P3H2: variants seen among roughly 807,000 people sequenced by gnomAD.
P3H2 encodes prolyl 3-hydroxylase 2.
A neutral mutation model predicts 87.0 loss-of-function variants in P3H2; 80 were observed. The observed-to-expected ratio is 0.92, with a 90% CI of 0.77 to 1.11. The LOEUF (loss-of-function observed/expected upper bound fraction) is 1.11, where lower values mean the gene tolerates loss of function less well. Ranked by LOEUF, P3H2 falls within the 50% of genes least tolerant of loss-of-function variation. P3H2 has a pLI of 0.00. For missense variants in P3H2, 1,001 were observed against 923.9 expected, an observed-to-expected ratio of 1.08 and a Z score of -1.08; for synonymous variants, 367 against 359.3, an observed-to-expected ratio of 1.02 and a Z score of -0.24.
At chr3:190,108,651 ATTTG>A (rs1385369818) in intron 1 of P3H2, among the ~76,000 whole-genome samples, 1 of 151,998 alleles carries the variant, frequency 6.6e-6, no homozygotes, top group Non-Finnish European at 1.5e-5. Flanking sequence ...CTATATACAC[ATTTG>A]TTTTTTTCAA....
At chr3:190,019,458 C>G in intron 1 of P3H2, among the ~76,000 whole-genome samples, 1 of 152,128 alleles carries the variant, frequency 6.6e-6, no homozygotes, top group Non-Finnish European at 1.5e-5. Context: ...TTTATTCTTA[C>G]ATGATGAGAC....
At chr3:190,078,392 T>C (rs6795785) in intron 1 of P3H2, among the ~76,000 whole-genome samples, 11,618 of 152,224 alleles carry the variant, frequency 0.076, 1,227 homozygotes, top group African/African-American at 0.22. Flanking sequence ...TAATTAAAAC[T>C]TACAGGTTAC....
chr3:190,040,154 AC>A (rs1264775387), intron 1 of P3H2, among the ~76,000 whole-genome samples: 1 of 152,206 alleles, frequency 6.6e-6, no homozygotes, highest in Non-Finnish European at 1.5e-5. Flanking sequence ...AACCCGTCTT[AC>A]ACTTTTATCA....
chr3:189,973,108 A>C (rs1278643253), intron 10 of P3H2, 84 bp from the exon 11 acceptor site: 4 of 1,261,386 alleles, frequency 3.2e-6, no homozygotes, highest in Middle Eastern at 2.2e-4. Flanking sequence ...CATTGAGCCA[A>C]TATAGGATTG....
chr3:190,024,867 C>A (rs1273377217), intron 1 of P3H2, among the ~76,000 whole-genome samples: 4 of 152,070 alleles, frequency 2.6e-5, no homozygotes, highest in Non-Finnish European at 4.4e-5. Flanking sequence ...TTCAATTTAC[C>A]TACACATGAT....
chr3:190,006,987 T>C (rs901699357), intron 1 of P3H2, among the ~76,000 whole-genome samples: 3 of 152,216 alleles, frequency 2.0e-5, no homozygotes, highest in African/African-American at 7.2e-5. Context: ...TATATGTGCA[T>C]GTTTGTGAAT....
At chr3:190,068,564 C>G (rs1165551199) in intron 1 of P3H2, among the ~76,000 whole-genome samples, 1 of 152,116 alleles carries the variant, frequency 6.6e-6, no homozygotes, top group Non-Finnish European at 1.5e-5. Flanking sequence ...CAAAACTGAA[C>G]AGTTACTAAG....
chr3:190,008,173 C>T (rs1428033835), intron 1 of P3H2, among the ~76,000 whole-genome samples: 3 of 151,800 alleles, frequency 2.0e-5, no homozygotes, highest in Admixed American at 1.3e-4. Context: ...TGGGTTCTGA[C>T]AGAAGAGCTG....
intron 1 of P3H2, among the ~76,000 whole-genome samples, chr3:190,046,109 C>T (rs1029373847): frequency 1.5e-5 from 2 of 136,728 alleles, no homozygotes; most frequent in South Asian, 2.4e-4. Context: ...GGCGACAGAG[C>T]AAGACTCCAT....
chr3:189,995,570 T>TA (rs397948658), intron 1 of P3H2, 128 bp from the exon 2 acceptor site: 10 of 996,012 alleles, frequency 1.0e-5, no homozygotes, highest in Middle Eastern at 2.9e-4. Context: ...TTTTTTTTTT[T>TA]ATCAGACAGG....
At chr3:189,960,147 T>C (rs911653537) in intron 14 of P3H2, among the ~76,000 whole-genome samples, 1 of 152,170 alleles carries the variant, frequency 6.6e-6, no homozygotes, top group African/African-American at 2.4e-5. Flanking sequence ...CTCCAGACAT[T>C]TATCCTAGTG....
intron 1 of P3H2, among the ~76,000 whole-genome samples, chr3:190,013,467 G>C (rs1308561621): frequency 1.3e-5 from 2 of 152,292 alleles, no homozygotes; most frequent in Admixed American, 1.3e-4. Context: ...AAGCTGAAAG[G>C]CATTTACTAA....
chr3:189,998,301 C>T lies in P3H2; in HGVS notation c.481-2859G>A, dbSNP rs190367293. 3.5e-3 allele frequency among the ~76,000 whole-genome samples: 526 copies of T among 152,264 alleles called. 1 individual carries two copies. Among genetic ancestry groups the T allele is most frequent in the African/African-American group, 0.012 (491 of 41,556 alleles). ...CATACTCTGATTCTACAGCACTAGACGTTAAAGTTAATGGAACACAAATAA... is the reference window on the plus strand; with the variant it reads ...CATACTCTGATTCTACAGCACTAGATGTTAAAGTTAATGGAACACAAATAA... On this transcript the variant is annotated intron_variant, in intron 1 of 14. Coordinates refer to ENST00000319332, the MANE Select transcript of P3H2 (RefSeq NM_018192.4).
chr3:190,041,082 T>A lies in P3H2; in HGVS notation c.481-45640A>T, dbSNP rs1666399. Among the ~76,000 whole-genome samples the A allele has an allele frequency of 2.8e-3, 91 of 32,202 alleles. 2 individuals are homozygous for A. Among genetic ancestry groups the A allele is most frequent in the East Asian group, 8.2e-3 (5 of 612 alleles). The allele number at this position is 32,202 out of a possible 152,430, so 21.1% of individuals were successfully genotyped here. On this transcript the variant is annotated intron_variant, in intron 1 of 14. Transcript: ENST00000319332. ...CACACACACACACACACACACACAC[T>A]CTCTCTCTCTATATATATATATATA...
intron 1 of P3H2, among the ~76,000 whole-genome samples, chr3:190,077,710 T>C (rs189328223): frequency 6.6e-6 from 1 of 152,328 alleles, no homozygotes; most frequent in East Asian, 1.9e-4. Context: ...ATAATGGCTA[T>C]ACAGATTAAT....
chr3:190,091,234 A>T (rs1283219033), intron 1 of P3H2, among the ~76,000 whole-genome samples: 2 of 152,224 alleles, frequency 1.3e-5, no homozygotes, highest in African/African-American at 2.4e-5. Context: ...GATTGTGTTT[A>T]CCAAGGTACA....
At chr3:189,999,606 C>G (rs1577263802) in intron 1 of P3H2, among the ~76,000 whole-genome samples, 1 of 152,304 alleles carries the variant, frequency 6.6e-6, no homozygotes, top group East Asian at 1.9e-4. Flanking sequence ...AACAAACCAA[C>G]AGCACACTAC....
chr3:189,990,615 T>C lies in P3H2; in HGVS notation c.824-1577A>G, dbSNP rs543903219. Among the ~76,000 whole-genome samples, 117 of 152,346 alleles carry C rather than the reference T, an allele frequency of 7.7e-4. No homozygotes were observed. The South Asian group carries it at 7.9e-3, about 10-fold the overall frequency. On this transcript the variant is annotated intron_variant, in intron 3 of 14. Coordinates refer to ENST00000319332, the MANE Select transcript of P3H2 (RefSeq NM_018192.4). ...CTGCATTCAGCAGCCATTTGTATTT[T>C]TCCCGAACTGTTAATGTCTAACTCT... is the stretch of plus-strand genomic sequence containing the variant.
At chr3:190,006,741 C>G (rs1022989699) in intron 1 of P3H2, among the ~76,000 whole-genome samples, 4 of 152,116 alleles carry the variant, frequency 2.6e-5, no homozygotes, top group Non-Finnish European at 5.9e-5. Context: ...TCTTGAAAAA[C>G]AGAAAACATG....
Sources: allele counts gnomAD v4.1 joint callset (sites outside exome capture counted in the v4.1 genomes callset), GRCh38; gene constraint gnomAD v4.1.1; transcripts MANE v1.5; gene names NCBI Gene and HGNC (gene_info 2026-07-23, HGNC 2026-07-21).